Variants in ADGRB2 observed in about 807,000 individuals in gnomAD.
ADGRB2 encodes brain-specific angiogenesis inhibitor 2.
Under a neutral mutation model 178.7 loss-of-function variants are expected in ADGRB2, and 47 were observed. The ratio of observed to expected loss-of-function variants is 0.26; its 90% CI spans 0.21 to 0.34. The LOEUF (loss-of-function observed/expected upper bound fraction) is 0.34, where lower values mean the gene tolerates loss of function less well. Among genes scored for constraint, ADGRB2 ranks in the 10% least tolerant of loss-of-function variants. The pLI is 1.00. For missense variants in ADGRB2, 1,584 were observed against 2,180.8 expected, an observed-to-expected ratio of 0.73 and a Z score of 5.45; for synonymous variants, 870 against 912.4, an observed-to-expected ratio of 0.95 and a Z score of 0.84.
intron 4 of ADGRB2, among the ~76,000 whole-genome samples, chr1:31,750,617 C>T (rs1054084609): frequency 6.6e-6 from 1 of 152,152 alleles, no homozygotes; most frequent in African/African-American, 2.4e-5. Flanking sequence ...AGCAATCGTC[C>T]CTTCCCTGGG....
At chr1:31,729,248 A>T (rs1569711520) in intron 29 of ADGRB2, among the ~76,000 whole-genome samples, 1 of 152,140 alleles carries the variant, frequency 6.6e-6, no homozygotes, top group African/African-American at 2.4e-5. Flanking sequence ...CATGAAGCCA[A>T]GGCCAACTTT....
chr1:31,732,758 G>T, intron 26 of ADGRB2, 146 bp from the exon 27 acceptor site: 1 of 1,123,100 alleles, frequency 8.9e-7, no homozygotes, highest in Non-Finnish European at 1.3e-6. Context: ...ACCTGGGCAG[G>T]GTGCAACGGG....
Position 31,733,528 on chromosome 1 carries a change from G to A in ADGRB2, c.3453-385C>T, listed in dbSNP as rs559768224. Among the ~76,000 whole-genome samples, 5 of 152,348 alleles carry A rather than the reference G, an allele frequency of 3.3e-5. No homozygotes were observed. The South Asian group carries it at 1.0e-3, about 32-fold the overall frequency. ...GGCATCCCCAGAGCCTAACTGGGTA[G>A]GCTGGGGAGGGGGACTGGAAGAGGG... On this transcript the variant is annotated intron_variant, in intron 25 of 32. Coordinates refer to ENST00000373658, the MANE Select transcript of ADGRB2 (RefSeq NM_001364857.2). The surrounding 1 kb of genome is among the most constrained non-coding windows in gnomAD (Gnocchi z 4.3).
Position 31,739,929 on chromosome 1 carries a change from G to T in ADGRB2, c.2164C>A (p.Leu722Ile), listed in dbSNP as rs752677237. The change falls in exon 14 of 33, where the codon CTA becomes ATA. Residue 722 changes from leucine to isoleucine, a missense_variant. Physicochemically the swap from Leu to Ile is conservative, Grantham distance 5. This residue lies in a region of ADGRB2 where 865 missense variants were observed against 1,192.8 expected (regional missense o/e 0.73). Coordinates refer to ENST00000373658, the MANE Select transcript of ADGRB2 (RefSeq NM_001364857.2). ...FQSSLIVTDNLVISIQREPVS... is the reference protein window; with the variant it reads ...FQSSLIVTDNIVISIQREPVS... ...ACCCTTGCCTGACTCCTTCTACCTA[G>T]ATTATCTGTGACAATCAGAGAGCTC... 5 of 1,613,866 alleles carry T rather than the reference G, an allele frequency of 3.1e-6. No homozygotes were observed. The highest frequency in any genetic ancestry group is 4.2e-6 in the Non-Finnish European group (5 of 1,179,768).
At chr1:31,736,994 C>T (rs1431996836) in intron 20 of ADGRB2, among the ~76,000 whole-genome samples, 1 of 152,218 alleles carries the variant, frequency 6.6e-6, no homozygotes, top group Non-Finnish European at 1.5e-5. Context: ...CAGACATGAG[C>T]ACCTGCCACG....
chr1:31,727,762 A>C lies in ADGRB2; in HGVS notation c.4573-157T>G. The C allele has an allele frequency of 1.1e-6, 1 of 938,412 alleles. No individual in the cohort carries two copies. Among genetic ancestry groups the C allele is most frequent in the Non-Finnish European group, 1.5e-6 (1 of 651,978 alleles). The allele number at this position is 938,412 out of a possible 1,614,324, so 58.1% of individuals were successfully genotyped here. On this transcript the variant is annotated intron_variant, in intron 32 of 32. Transcript: ENST00000373658. This position sits in a 1 kb window ranked among gnomAD's most constrained non-coding sequence, Gnocchi z 4.4. Reference sequence around the variant, plus strand: ...TTCAAATACAGACCTGCCTGGTTCCAGGGTGGGGCTCCTGACCCCTGTTCT... The same window carrying C: ...TTCAAATACAGACCTGCCTGGTTCCCGGGTGGGGCTCCTGACCCCTGTTCT...
rs1645816168 is a variant in ADGRB2 at position 31,739,502 on chromosome 1, G to A, written c.2301C>T (p.Ser767=). 3 of 1,612,980 alleles carry A rather than the reference G, an allele frequency of 1.9e-6. No homozygotes were observed. In the East Asian group the frequency reaches 6.7e-5, roughly 36 times the overall value. ...TGGCTGGCTTCCCTGGGGAGGAGAGGCTGAGCACCTCCTTGGGCAGGAAGA... is the reference window on the plus strand; with the variant it reads ...TGGCTGGCTTCCCTGGGGAGGAGAGACTGAGCACCTCCTTGGGCAGGAAGA... ...DRLFLPKEVL[S]LSSPGKPATS... Residue 767 remains serine, a synonymous_variant, in exon 15 of 33, where the codon AGC becomes AGT. Transcript: ENST00000373658.
rs778853749 is a variant in ADGRB2, at chr1:31,731,248, C to T, written c.3932G>A (p.Gly1311Glu). ...CTGTGGGGGCGGAGGCTCCCCCAGC[C>T]CTGGTGAGGCTGCCATGGGCACCAG... ...NILVPMAASP[G>E]LGEPPPPQEA... is the part of the protein sequence containing the mutation. Residue 1311 changes from glycine to glutamate, a missense_variant, in exon 29 of 33, where the codon GGG becomes GAG. Gly to Glu is a moderately conservative substitution (Grantham distance 98). Around this residue, in one of 3 missense-constraint regions of ADGRB2, gnomAD observed 865 missense variants for 1,192.8 expected, o/e 0.73. Transcript: ENST00000373658. 6.2e-7 allele frequency: 1 copy of T among 1,608,702 alleles called. No individual in the cohort carries two copies.
chr1:31,749,151 C>T (rs1646431300), intron 4 of ADGRB2, among the ~76,000 whole-genome samples: 1 of 152,196 alleles, frequency 6.6e-6, no homozygotes, highest in African/African-American at 2.4e-5. Context: ...TGTTTAATTG[C>T]TCCTTTGCAC....
At position 31,727,665 on chromosome 1, in the gene ADGRB2, C is replaced by G. The variant is rs1021050850; in HGVS notation, c.4573-60G>C. 6.3e-6 allele frequency: 9 copies of G among 1,421,182 alleles called. No homozygotes were observed. In the African/African-American group the frequency reaches 1.2e-4, roughly 18 times the overall value. 88.0% of individuals were successfully genotyped at this position (1,421,182 alleles called of 1,614,324 possible). The stretch of plus-strand genomic sequence containing the variant: ...CCAATATCCTTACCCATTGTACAGA[C>G]GATCAAACTGAGGAGTCCCAGAGAG... On this transcript the variant is annotated intron_variant, in intron 32 of 32. Transcript: ENST00000373658. This position sits in a 1 kb window ranked among gnomAD's most constrained non-coding sequence, Gnocchi z 4.4.
chr1:31,737,744 C>T lies in ADGRB2; in HGVS notation c.2784G>A (p.Leu928=), dbSNP rs1484825539. The part of the protein sequence containing the change: ...AQPPKDLTLE[L]AGSPSVPLVI... ...CCAGGGGGACCGAGGGGGAGCCCGC[C>T]AGCTCCAGGGTCTGGGGAAGATGGG... The change falls in exon 19 of 33, where the codon CTG becomes CTA. Residue 928 remains leucine (L), a synonymous_variant. Coordinates refer to ENST00000373658, the MANE Select transcript of ADGRB2 (RefSeq NM_001364857.2). The T allele has an allele frequency of 3.1e-6, 5 of 1,613,560 alleles. No individual in the cohort carries two copies. The South Asian group carries it at 5.5e-5, about 18-fold the overall frequency.
At chr1:31,751,833 T>A (rs372715628) in intron 4 of ADGRB2, among the ~76,000 whole-genome samples, 1 of 152,194 alleles carries the variant, frequency 6.6e-6, no homozygotes, top group African/African-American at 2.4e-5. Context: ...ACTCTTCCTC[T>A]TCCTTTGACA....
At chr1:31,730,764 T>A in intron 29 of ADGRB2, 36 bp downstream of exon 29, 1 of 1,460,362 alleles carries the variant, frequency 6.8e-7, no homozygotes, top group Non-Finnish European at 9.0e-7. Context: ...ATTGACACAG[T>A]CTCAGACACA....
At position 31,730,882 on chromosome 1, in the gene ADGRB2, CG is replaced by C; in HGVS notation, c.4297del (p.Arg1433AlafsTer22). On this transcript the variant is annotated frameshift_variant, in exon 29 of 33. Coordinates refer to ENST00000373658, the MANE Select transcript of ADGRB2 (RefSeq NM_001364857.2). LOFTEE classifies it high-confidence loss of function. The stretch of plus-strand genomic sequence containing the variant: ...GCGCTCCCCTGGCTCGGGCACTTGG[CG>C]GGCGCTGGGTGTCGGCGGTGGCGGT... ...FQPPPPTPSA[R>X]QVPEPGERSR... 6.4e-7 allele frequency: 1 copy of C among 1,568,746 alleles called. No homozygotes were observed. Among genetic ancestry groups the C allele is most frequent in the South Asian group, 1.2e-5 (1 of 83,780 alleles).
In ADGRB2 at chr1:31,754,674, G is replaced by A. The variant is rs1247623985; in HGVS notation, c.838+1325C>T. On this transcript the variant is annotated intron_variant, in intron 4 of 32. Coordinates refer to ENST00000373658, the MANE Select transcript of ADGRB2 (RefSeq NM_001364857.2). The surrounding 1 kb of genome is among the most constrained non-coding windows in gnomAD (Gnocchi z 5.7). ...CCGGGCACTTGCCGTGGATGGGCAC[G>A]ATGTCAGATGTCTCATTGGAGAAGC... Among the ~76,000 whole-genome samples the A allele has an allele frequency of 2.6e-5, 4 of 152,232 alleles. No homozygotes were observed. The highest frequency in any genetic ancestry group is 5.9e-5 in the Non-Finnish European group (4 of 68,038).
Position 31,745,947 on chromosome 1 carries a change from C to A in ADGRB2, c.839-1216G>T, listed in dbSNP as rs112511613. Among the ~76,000 whole-genome samples, 679 of 152,322 alleles carry A rather than the reference C, an allele frequency of 4.5e-3. 7 individuals carry two copies. Among genetic ancestry groups the A allele is most frequent in the East Asian group, 0.035 (179 of 5,178 alleles). On this transcript the variant is annotated intron_variant, in intron 4 of 32. Transcript: ENST00000373658. ...CCTCTGGTCTCATCCACTCTGGGGC[C>A]TTTCCCTCCACGTCAGTCACCAGCC... is the stretch of plus-strand genomic sequence containing the variant.
rs1261337650 is a variant in ADGRB2 at position 31,740,888 on chromosome 1, C to CGT, written c.1795-348_1795-347insAC. Reference sequence around the variant, plus strand: ...GGAGTGTAATGAGCATGTGTGTGGGCGCGCGCGCACACACACACACACACA... The same window carrying CGT: ...GGAGTGTAATGAGCATGTGTGTGGGCGTGCGCGCGCACACACACACACACACA... On this transcript the variant is annotated intron_variant, in intron 11 of 32. Coordinates refer to ENST00000373658, the MANE Select transcript of ADGRB2 (RefSeq NM_001364857.2). This position sits in a 1 kb window ranked among gnomAD's most constrained non-coding sequence, Gnocchi z 5.9. Among the ~76,000 whole-genome samples, 2 of 77,382 alleles carry CGT rather than the reference C, an allele frequency of 2.6e-5. No individual in the cohort carries two copies. Among genetic ancestry groups the CGT allele is most frequent in the African/African-American group, 4.3e-5 (1 of 23,216 alleles). The allele number at this position is 77,382 out of a possible 152,430, so 50.8% of individuals were successfully genotyped here.
chr1:31,764,128 C>T lies in ADGRB2; in HGVS notation c.-435G>A, dbSNP rs1022460463. ...CTCCTGCCGCCGCCGCCGCCGCCGC[C>T]TCCTTGCCGCGCCGCCCCCCGCTCC... On this transcript the variant is annotated 5_prime_UTR_variant, in exon 1 of 33. Transcript: ENST00000373658. The surrounding 1 kb of genome is among the most constrained non-coding windows in gnomAD (Gnocchi z 7.3). 56 of 868,316 alleles carry T rather than the reference C, an allele frequency of 6.4e-5. No homozygotes were observed. The African/African-American group carries it at 1.0e-3, about 16-fold the overall frequency. 53.8% of individuals were successfully genotyped at this position (868,316 alleles called of 1,614,324 possible). A position where few individuals can be genotyped will look rare whatever the true frequency, so the allele number is the denominator to read the frequency against.
rs1261835190 is a variant in ADGRB2, at chr1:31,756,344, C to T, written c.493G>A (p.Glu165Lys). ...AGCAGGCGCGGGGCCTCGGAGGGCT[C>T]AGCCGACAGGCACAGCTGCACGAAG... ...KNFVQLCLSA[E>K]PSEAPRLLAP... Residue 165 changes from glutamate to lysine, a missense_variant, in exon 4 of 33, where the codon GAG becomes AAG. By Grantham distance (56) the Glu-to-Lys change is moderately conservative. Around this residue, in one of 3 missense-constraint regions of ADGRB2, gnomAD observed 657 missense variants for 847.6 expected, o/e 0.78. Coordinates refer to ENST00000373658, the MANE Select transcript of ADGRB2 (RefSeq NM_001364857.2). This position sits in a 1 kb window ranked among gnomAD's most constrained non-coding sequence, Gnocchi z 8.5. 1 of 1,612,858 alleles carries T rather than the reference C, an allele frequency of 6.2e-7. No homozygotes were observed. Among genetic ancestry groups the T allele is most frequent in the Non-Finnish European group, 8.5e-7 (1 of 1,179,980 alleles).
Sources: gnomAD v4.1 joint callset for allele counts (sites outside exome capture counted in the v4.1 genomes callset) on GRCh38, gnomAD v4.1.1 for gene constraint, gnomAD v4.1.1 regional missense constraint, Gnocchi (gnomAD v3.1) non-coding constraint, MANE v1.5 for transcripts, NCBI Gene and HGNC (gene_info 2026-07-23, HGNC 2026-07-21) for gene names.